Variants in EHBP1 observed in about 807,000 individuals in gnomAD.
EHBP1 encodes the protein EH domain-binding protein 1.
A neutral mutation model predicts 144.0 loss-of-function variants in EHBP1; 55 were observed. That is an observed-to-expected ratio of 0.38 (90% CI 0.31 to 0.48). The LOEUF (loss-of-function observed/expected upper bound fraction) is 0.48. Among genes scored for constraint, EHBP1 ranks in the 20% least tolerant of loss-of-function variants. EHBP1 has a pLI of 0.98. For synonymous variants in EHBP1, 469 were observed against 472.7 expected, an observed-to-expected ratio of 0.99 and a Z score of 0.10; for missense variants, 1,200 against 1,364.2, an observed-to-expected ratio of 0.88 and a Z score of 1.90.
chr2:62,739,422 G>A (rs1380735680), intron 2 of EHBP1, among the ~76,000 whole-genome samples: 1 of 151,632 alleles, frequency 6.6e-6, no homozygotes, highest in Non-Finnish European at 1.5e-5. Flanking sequence ...TGAATTCCAG[G>A]GAACCGGGTA....
At chr2:63,007,238 C>T (rs1358355345) in intron 19 of EHBP1, among the ~76,000 whole-genome samples, 2 of 151,760 alleles carry the variant, frequency 1.3e-5, no homozygotes, top group African/African-American at 2.4e-5. Flanking sequence ...GTATAATACC[C>T]TTCTGATTCT....
At chr2:62,729,615 TA>T (rs2037303242) in intron 2 of EHBP1, among the ~76,000 whole-genome samples, 1 of 134,896 alleles carries the variant, frequency 7.4e-6, no homozygotes, top group Non-Finnish European at 1.5e-5. Flanking sequence ...AATATAATAA[TA>T]AATAAAATAA....
chr2:62,795,587 T>TAGACA (rs2043481811), intron 5 of EHBP1, among the ~76,000 whole-genome samples: 1 of 152,090 alleles, frequency 6.6e-6, no homozygotes, highest in Admixed American at 6.6e-5. Flanking sequence ...TTTACTCTCA[T>TAGACA]GCTCTTCACT....
chr2:63,038,589 AAGGTTTT>A (rs2061537362), intron 20 of EHBP1, among the ~76,000 whole-genome samples, 147 bp from the exon 21 acceptor site: 1 of 152,156 alleles, frequency 6.6e-6, no homozygotes, highest in Non-Finnish European at 1.5e-5. Flanking sequence ...TCGACTGAGG[AAGGTTTT>A]AGGTTTGTGT....
intron 19 of EHBP1, among the ~76,000 whole-genome samples, chr2:63,013,672 A>T (rs2060363867): frequency 6.6e-6 from 1 of 152,224 alleles, no homozygotes; most frequent in African/African-American, 2.4e-5. Flanking sequence ...CGTGTTTTCT[A>T]CATCTTCAAG....
chr2:62,860,990 CTT>C (rs2049482256), intron 8 of EHBP1, among the ~76,000 whole-genome samples: 1 of 151,596 alleles, frequency 6.6e-6, no homozygotes, highest in African/African-American at 2.4e-5. Context: ...AATAATTTAT[CTT>C]TATTGATTAA....
At chr2:62,687,309 G>A (rs2033749735) in intron 1 of EHBP1, among the ~76,000 whole-genome samples, 1 of 152,198 alleles carries the variant, frequency 6.6e-6, no homozygotes, top group African/African-American at 2.4e-5. Flanking sequence ...ATTGATGGAA[G>A]GAGGTAGAAA....
chr2:62,726,757 T>G (rs2036835020), intron 2 of EHBP1: 1 of 152,240 alleles, frequency 6.6e-6, no homozygotes, highest in African/African-American at 2.4e-5. Flanking sequence ...TGTTTTTTAT[T>G]TGAAGCATAG....
At chr2:62,802,667 A>G (rs1264861242) in intron 5 of EHBP1, among the ~76,000 whole-genome samples, 2 of 149,806 alleles carry the variant, frequency 1.3e-5, no homozygotes. Flanking sequence ...ACACACACAT[A>G]TGTGTATTTA....
intron 3 of EHBP1, among the ~76,000 whole-genome samples, chr2:62,759,281 T>C (rs1302355653): frequency 1.3e-5 from 2 of 152,214 alleles, no homozygotes; most frequent in Non-Finnish European, 2.9e-5. Context: ...CTAACTATAC[T>C]AAGGAGCCAA....
intron 10 of EHBP1, among the ~76,000 whole-genome samples, chr2:62,941,446 A>G (rs552099177): frequency 6.6e-6 from 1 of 152,278 alleles, no homozygotes; most frequent in East Asian, 1.9e-4. Context: ...CATTTAAAGA[A>G]CAGTATTTTG....
chr2:62,740,219 T>C (rs2038571805), intron 2 of EHBP1, among the ~76,000 whole-genome samples: 1 of 152,138 alleles, frequency 6.6e-6, no homozygotes, highest in South Asian at 2.1e-4. Flanking sequence ...AAAATATAAG[T>C]AAAAAAACAA....
chr2:63,014,646 G>A (rs1162681503), intron 19 of EHBP1, among the ~76,000 whole-genome samples: 3 of 152,084 alleles, frequency 2.0e-5, no homozygotes, highest in African/African-American at 7.2e-5. Flanking sequence ...TACCTAGAAA[G>A]AAGAAAAAAC....
At chr2:62,974,945 A>T (rs2058649950) in intron 14 of EHBP1, among the ~76,000 whole-genome samples, 1 of 152,190 alleles carries the variant, frequency 6.6e-6, no homozygotes, top group Non-Finnish European at 1.5e-5. Flanking sequence ...TCTTGCTATT[A>T]TGCTCTACAA....
At chr2:63,013,353 T>C (rs551751960) in intron 19 of EHBP1, among the ~76,000 whole-genome samples, 1 of 152,294 alleles carries the variant, frequency 6.6e-6, no homozygotes, top group South Asian at 2.1e-4. Flanking sequence ...GTGATGAACA[T>C]ATTAAAGGTA....
At chr2:62,818,166 A>G (rs2045588917) in intron 5 of EHBP1, among the ~76,000 whole-genome samples, 1 of 124,740 alleles carries the variant, frequency 8.0e-6, no homozygotes, top group Admixed American at 8.5e-5. Context: ...TGCTCTGGTT[A>G]AGTCAGTGAG....
chr2:62,927,177 G>T (rs1030551637), intron 10 of EHBP1, among the ~76,000 whole-genome samples: 1 of 152,150 alleles, frequency 6.6e-6, no homozygotes, highest in East Asian at 1.9e-4. Flanking sequence ...TAGAACAGAG[G>T]ATACTAGAGG....
At chr2:62,806,580 C>T (rs2044503337) in intron 5 of EHBP1, among the ~76,000 whole-genome samples, 1 of 152,112 alleles carries the variant, frequency 6.6e-6, no homozygotes, top group African/African-American at 2.4e-5. Context: ...CCTAGCTGAT[C>T]TTGAACTCCT....
intron 2 of EHBP1, among the ~76,000 whole-genome samples, chr2:62,732,182 G>A (rs2037667215): frequency 6.6e-6 from 1 of 152,046 alleles, no homozygotes; most frequent in Non-Finnish European, 1.5e-5. Flanking sequence ...ATTTTCTGTA[G>A]TGTGACTATG....
Sources: gnomAD v4.1 joint callset for allele counts (sites outside exome capture counted in the v4.1 genomes callset) on GRCh38, gnomAD v4.1.1 for gene constraint, MANE v1.5 for transcripts, NCBI Gene and HGNC (gene_info 2026-07-23, HGNC 2026-07-21) for gene names.